Variants in ROR1 observed in about 807,000 individuals in gnomAD.
ROR1 encodes the protein inactive tyrosine-protein kinase transmembrane receptor ROR1.
Under a neutral mutation model 78.8 loss-of-function variants are expected in ROR1, and 19 were observed. The ratio of observed to expected loss-of-function variants is 0.24; its 90% CI spans 0.17 to 0.35. ROR1 has a LOEUF of 0.35. ROR1 is among the 10% of genes least tolerant of loss of function. The probability of loss-of-function intolerance (pLI) is 1.00; values close to 1 mark genes in which losing one functional copy is unlikely to be tolerated. For synonymous variants in ROR1, 386 were observed against 433.6 expected, an observed-to-expected ratio of 0.89 and a Z score of 1.36; for missense variants, 917 against 1,177.8, an observed-to-expected ratio of 0.78 and a Z score of 3.24.
chr1:64,072,311 G>T (rs1434813845), intron 4 of ROR1, among the ~76,000 whole-genome samples: 1 of 152,170 alleles, frequency 6.6e-6, no homozygotes, highest in Admixed American at 6.5e-5. Context: ...TTTAAGAGCT[G>T]CTGTGTGTAA....
intron 2 of ROR1, among the ~76,000 whole-genome samples, chr1:64,037,176 G>A (rs1003766283): frequency 2.0e-5 from 3 of 152,072 alleles, no homozygotes; most frequent in African/African-American, 4.8e-5. Context: ...AGAAAGACAC[G>A]ATCACAGAGG....
At chr1:63,842,699 A>G (rs1329445877) in intron 1 of ROR1, among the ~76,000 whole-genome samples, 1 of 151,846 alleles carries the variant, frequency 6.6e-6, no homozygotes, top group African/African-American at 2.4e-5. Flanking sequence ...TTTTTAATCG[A>G]AAGTGCCTTA....
chr1:63,908,511 G>A (rs1342966619), intron 1 of ROR1, among the ~76,000 whole-genome samples: 1 of 152,186 alleles, frequency 6.6e-6, no homozygotes, highest in Non-Finnish European at 1.5e-5. Context: ...ACATTTTGGT[G>A]TCTTAACCTC....
chr1:63,783,399 CTT>C (rs1644665143), intron 1 of ROR1, among the ~76,000 whole-genome samples: 1 of 152,142 alleles, frequency 6.6e-6, no homozygotes, highest in Non-Finnish European at 1.5e-5. Context: ...TATTCCCCCT[CTT>C]GTCTGCTTGA....
chr1:63,955,614 T>G (rs1645974757), intron 1 of ROR1, among the ~76,000 whole-genome samples: 1 of 152,182 alleles, frequency 6.6e-6, no homozygotes, highest in Admixed American at 6.5e-5. Context: ...GTTTCTTTTC[T>G]TCTTATTCTT....
chr1:63,990,732 A>G (rs1296152485), intron 1 of ROR1, among the ~76,000 whole-genome samples: 1 of 152,068 alleles, frequency 6.6e-6, no homozygotes, highest in Non-Finnish European at 1.5e-5. Context: ...CCTCCCAAAC[A>G]CATGTTATGT....
intron 4 of ROR1, among the ~76,000 whole-genome samples, chr1:64,117,629 A>T (rs72916929): frequency 0.014 from 2,142 of 152,284 alleles, 44 homozygotes; most frequent in African/African-American, 0.046. Context: ...ATGCATTATC[A>T]TACAAAAACC....
At chr1:64,027,192 A>G (rs1016156716) in intron 2 of ROR1, among the ~76,000 whole-genome samples, 3 of 152,198 alleles carry the variant, frequency 2.0e-5, no homozygotes, top group Non-Finnish European at 2.9e-5. Context: ...GTGCATTTTC[A>G]TTATGATGTT....
chr1:63,817,721 G>C (rs907454597), intron 1 of ROR1, among the ~76,000 whole-genome samples: 1 of 152,140 alleles, frequency 6.6e-6, no homozygotes, highest in African/African-American at 2.4e-5. Flanking sequence ...ACTCGAGAAG[G>C]GTTAAAGGGA....
chr1:64,165,931 C>T (rs1650074038), intron 8 of ROR1, among the ~76,000 whole-genome samples: 1 of 152,182 alleles, frequency 6.6e-6, no homozygotes, highest in Admixed American at 6.5e-5. Context: ...GTCTCAAACT[C>T]CTGGCCTCAA....
chr1:64,016,911 G>A (rs1027140419), intron 2 of ROR1, among the ~76,000 whole-genome samples: 1 of 151,164 alleles, frequency 6.6e-6, no homozygotes, highest in African/African-American at 2.5e-5. Context: ...AAAACACATA[G>A]GGATTATTAT....
chr1:64,059,505 T>C (rs1485310796), intron 4 of ROR1, among the ~76,000 whole-genome samples: 2 of 152,116 alleles, frequency 1.3e-5, no homozygotes, highest in Admixed American at 1.3e-4. Context: ...AGTCAGGAGT[T>C]CGAGGCCAGC....
At chr1:64,115,164 C>T (rs1230238003) in intron 4 of ROR1, among the ~76,000 whole-genome samples, 3 of 151,572 alleles carry the variant, frequency 2.0e-5, no homozygotes, top group Non-Finnish European at 2.9e-5. Flanking sequence ...GTAATATGTA[C>T]AGTTTCACAT....
chr1:63,901,373 C>G (rs1201895016), intron 1 of ROR1, among the ~76,000 whole-genome samples: 1 of 152,096 alleles, frequency 6.6e-6, no homozygotes, highest in Non-Finnish European at 1.5e-5. Context: ...TTGTCCGGTT[C>G]CCCATTATCC....
intron 4 of ROR1, among the ~76,000 whole-genome samples, chr1:64,125,120 T>G (rs1016622821): frequency 6.6e-6 from 1 of 152,308 alleles, no homozygotes; most frequent in Middle Eastern, 3.4e-3. Flanking sequence ...AAAAAATTTG[T>G]CAATATATTA....
intron 1 of ROR1, among the ~76,000 whole-genome samples, chr1:63,787,278 C>T (rs998225074): frequency 2.0e-5 from 3 of 152,122 alleles, no homozygotes; most frequent in Admixed American, 6.5e-5. Flanking sequence ...TCACATAGGC[C>T]GTCTAAATCA....
At chr1:63,980,239 T>C (rs1646199038) in intron 1 of ROR1, among the ~76,000 whole-genome samples, 1 of 151,864 alleles carries the variant, frequency 6.6e-6, no homozygotes, top group African/African-American at 2.4e-5. Flanking sequence ...TTGGAGGAAT[T>C]TGAGGCCTGA....
intron 2 of ROR1, among the ~76,000 whole-genome samples, chr1:64,038,654 G>A (rs1399163806): frequency 1.3e-5 from 2 of 152,152 alleles, no homozygotes; most frequent in African/African-American, 4.8e-5. Flanking sequence ...AACATACCCA[G>A]ATCACACTTT....
intron 5 of ROR1, among the ~76,000 whole-genome samples, chr1:64,139,527 A>G (rs1212661254): frequency 6.6e-6 from 1 of 152,204 alleles, no homozygotes; most frequent in Non-Finnish European, 1.5e-5. Flanking sequence ...AGGAACCACT[A>G]ATATTCGATG....
Sources: allele counts gnomAD v4.1 joint callset (sites outside exome capture counted in the v4.1 genomes callset), GRCh38; gene constraint gnomAD v4.1.1; transcripts MANE v1.5; gene names NCBI Gene and HGNC (gene_info 2026-07-23, HGNC 2026-07-21).